Variants in SYNRG observed in about 807,000 individuals in gnomAD.
SYNRG encodes synergin gamma.
SYNRG carries 37 observed loss-of-function variants against 130.9 expected under a neutral mutation model. The observed-to-expected ratio is 0.28, with a 90% CI of 0.22 to 0.37. The LOEUF (loss-of-function observed/expected upper bound fraction) is 0.37, where lower values mean the gene tolerates loss of function less well. Among genes scored for constraint, SYNRG ranks in the 10% least tolerant of loss-of-function variants. The pLI is 1.00. For missense variants in SYNRG, 1,338 were observed against 1,588.9 expected, an observed-to-expected ratio of 0.84 and a Z score of 2.68; for synonymous variants, 539 against 568.1, an observed-to-expected ratio of 0.95 and a Z score of 0.73.
At chr17:37,547,463 CTTTT>C (rs35053528) in intron 14 of SYNRG, among the ~76,000 whole-genome samples, 1 of 139,030 alleles carries the variant, frequency 7.2e-6, no homozygotes. Flanking sequence ...TCATTTGCTG[CTTTT>C]TTTTTTTTTT....
chr17:37,535,550 G>C (rs1467601324), intron 19 of SYNRG, among the ~76,000 whole-genome samples: 1 of 152,090 alleles, frequency 6.6e-6, no homozygotes, highest in African/African-American at 2.4e-5. Context: ...TCGTAACAGG[G>C]AAAAATGAAA....
chr17:37,539,929 G>A (rs1299135373), intron 16 of SYNRG, among the ~76,000 whole-genome samples: 2 of 152,162 alleles, frequency 1.3e-5, no homozygotes, highest in African/African-American at 4.8e-5. Flanking sequence ...GTGTGAGGAC[G>A]TGGCCCATGT....
chr17:37,579,107 T>G (rs1018761745), intron 6 of SYNRG: 30 of 1,122,504 alleles, frequency 2.7e-5, no homozygotes, highest in Non-Finnish European at 3.2e-5. Flanking sequence ...TTAAGAATAT[T>G]TTCATTAATA....
chr17:37,527,750 ATCAGGAACTCGAACGTCTGCAGATTT>A (rs933574084), intron 19 of SYNRG, among the ~76,000 whole-genome samples: 5 of 152,186 alleles, frequency 3.3e-5, no homozygotes, highest in African/African-American at 1.2e-4. Flanking sequence ...GCCATTTCTT[ATCAGGAACTCGAACGTCTGCAGATTT>A]TTATATCCAG....
chr17:37,572,710 T>C (rs867548985), intron 8 of SYNRG, among the ~76,000 whole-genome samples: 1 of 152,130 alleles, frequency 6.6e-6, no homozygotes, highest in Non-Finnish European at 1.5e-5. Flanking sequence ...GAAAACACCA[T>C]TGGAGAAGGT....
intron 19 of SYNRG, among the ~76,000 whole-genome samples, chr17:37,528,460 G>A (rs2056220585): frequency 6.6e-6 from 1 of 152,174 alleles, no homozygotes; most frequent in Non-Finnish European, 1.5e-5. Context: ...ACCAGTAGTA[G>A]TAGTAATAAT....
intron 1 of SYNRG, among the ~76,000 whole-genome samples, chr17:37,603,464 G>A (rs770661005): frequency 2.6e-5 from 4 of 152,206 alleles, no homozygotes; most frequent in East Asian, 3.9e-4. Flanking sequence ...ATCTATGGGC[G>A]TTATAGCCTT....
chr17:37,596,667 T>G (rs2062801246), intron 2 of SYNRG, among the ~76,000 whole-genome samples: 1 of 152,244 alleles, frequency 6.6e-6, no homozygotes, highest in Non-Finnish European at 1.5e-5. Context: ...CTCCTGGTAT[T>G]CATACCCGTG....
intron 1 of SYNRG, among the ~76,000 whole-genome samples, chr17:37,606,299 CT>C (rs1237031108): frequency 6.6e-6 from 1 of 152,190 alleles, no homozygotes; most frequent in Non-Finnish European, 1.5e-5. Context: ...AATACCACTT[CT>C]TTGCCTTTGA....
In SYNRG at chr17:37,584,689, G is replaced by A. The variant is rs1187179341; in HGVS notation, c.548C>T (p.Ala183Val). Reference sequence around the variant, plus strand: ...CGATGCTGGAGTAGGGTGCATTTTTGCATCTCTGGAAAACCCATCTAAATT... The same window carrying A: ...CGATGCTGGAGTAGGGTGCATTTTTACATCTCTGGAAAACCCATCTAAATT... ...KGNLDGFSRD[A>V]KMHPTPASHP... is the part of the protein sequence containing the mutation. The change falls in exon 6 of 22, where the codon GCA (alanine) becomes GTA (valine). Residue 183 changes from alanine to valine, a missense_variant. Coordinates refer to ENST00000612223, the MANE Select transcript of SYNRG (RefSeq NM_007247.6). The A allele has an allele frequency of 3.1e-6, 5 of 1,613,804 alleles. No individual in the cohort carries two copies. In the African/African-American group the frequency reaches 5.3e-5, roughly 17 times the overall value.
intron 1 of SYNRG, among the ~76,000 whole-genome samples, chr17:37,607,564 G>A (rs905965368): frequency 1.6e-4 from 25 of 152,136 alleles, no homozygotes; most frequent in African/African-American, 5.8e-4. Context: ...CAAGGTGGGC[G>A]GATCACTTGA....
At chr17:37,546,843 T>C (rs537130829) in intron 14 of SYNRG, among the ~76,000 whole-genome samples, 2 of 152,364 alleles carry the variant, frequency 1.3e-5, no homozygotes, top group Non-Finnish European at 2.9e-5. Flanking sequence ...AGTACTCATG[T>C]AATCTAAACT....
At chr17:37,535,527 TTC>T (rs2144609355) in intron 19 of SYNRG, among the ~76,000 whole-genome samples, 1 of 152,292 alleles carries the variant, frequency 6.6e-6, no homozygotes, top group South Asian at 2.1e-4. Flanking sequence ...GATTTGTCTA[TTC>T]AGAGAACTAC....
intron 8 of SYNRG, among the ~76,000 whole-genome samples, chr17:37,575,420 TA>T (rs2060742117): frequency 6.6e-6 from 1 of 152,064 alleles, no homozygotes; most frequent in South Asian, 2.1e-4. Flanking sequence ...ATGTACTCCA[TA>T]AAAATATACA....
At chr17:37,533,517 G>A (rs778077099) in intron 19 of SYNRG, among the ~76,000 whole-genome samples, 1 of 151,296 alleles carries the variant, frequency 6.6e-6, no homozygotes, top group East Asian at 1.9e-4. Context: ...AAAGTGATAA[G>A]GGCTTGAATT....
At chr17:37,519,349 G>A (rs2054699782) in intron 21 of SYNRG, among the ~76,000 whole-genome samples, 1 of 152,134 alleles carries the variant, frequency 6.6e-6, no homozygotes, top group South Asian at 2.1e-4. Flanking sequence ...TGGAGGGGGG[G>A]AATCATGATA....
At chr17:37,592,797 CA>C (rs1390275910) in intron 3 of SYNRG, among the ~76,000 whole-genome samples, 2 of 152,146 alleles carry the variant, frequency 1.3e-5, no homozygotes, top group African/African-American at 4.8e-5. Flanking sequence ...TACAAAAGGA[CA>C]ATGTGAGGAG....
At position 37,529,550 on chromosome 17, in the gene SYNRG, AAAAAAG is replaced by A. The variant is rs1473174899; in HGVS notation, c.3666+6423_3666+6428del. Among the ~76,000 whole-genome samples the A allele has an allele frequency of 2.3e-3, 354 of 151,412 alleles. 1 individual carries two copies. Among genetic ancestry groups the A allele is most frequent in the African/African-American group, 8.0e-3 (330 of 41,174 alleles). On this transcript the variant is annotated intron_variant, in intron 19 of 21. Coordinates refer to ENST00000612223, the MANE Select transcript of SYNRG (RefSeq NM_007247.6). Reference sequence around the variant, plus strand: ...TATATATATTTTACAAAAAAAAAAAAAAAAAGAAAAGAAAAGGTGTGGAGGGGTGTT... The same window carrying A: ...TATATATATTTTACAAAAAAAAAAAAAAAAGAAAAGGTGTGGAGGGGTGTT...
intron 10 of SYNRG, 91 bp downstream of exon 10, chr17:37,570,546 T>C (rs938762262): frequency 1.3e-4 from 191 of 1,463,908 alleles, no homozygotes; most frequent in Non-Finnish European, 1.6e-4. Context: ...CTCACCATAA[T>C]CCAGTAACCT....
Sources: allele counts gnomAD v4.1 joint callset (sites outside exome capture counted in the v4.1 genomes callset), GRCh38; gene constraint gnomAD v4.1.1; transcripts MANE v1.5; gene names NCBI Gene and HGNC (gene_info 2026-07-23, HGNC 2026-07-21).